The following EBF2 variants were observed in gnomAD, a reference collection of about 807,000 sequenced individuals.
EBF2 encodes transcription factor COE2.
A neutral mutation model predicts 72.8 loss-of-function variants in EBF2; 21 were observed. That is an observed-to-expected ratio of 0.29 (90% CI 0.20 to 0.42). EBF2 has a LOEUF of 0.42. Among genes scored for constraint, EBF2 ranks in the 10% least tolerant of loss-of-function variants. EBF2 has a pLI of 1.00. For missense variants in EBF2, 637 were observed against 731.2 expected (o/e 0.87, Z 1.49); for synonymous variants, 299 against 274.2 (o/e 1.09, Z -0.89).
At chr8:25,974,003 C>A (rs145352343) in intron 6 of EBF2, among the ~76,000 whole-genome samples, 14 of 152,152 alleles carry the variant, frequency 9.2e-5, no homozygotes, top group Admixed American at 3.3e-4. Context: ...TATTAGAAAA[C>A]CTATAGGGCT....
In EBF2 at chr8:25,954,612, G is replaced by A. The variant is rs140347000; in HGVS notation, c.552-46057C>T. Among the ~76,000 whole-genome samples, 945 of 152,266 alleles carry A rather than the reference G, an allele frequency of 6.2e-3. 15 individuals are homozygous for A. Among genetic ancestry groups the A allele is most frequent in the African/African-American group, 0.022 (900 of 41,554 alleles). ...GGAGGAAACGTCGTGTTGCACCACC[G>A]TTTCCCACATGCTTATTTGGATTGT... On this transcript the variant is annotated intron_variant, in intron 6 of 15. Coordinates refer to ENST00000520164, the MANE Select transcript of EBF2 (RefSeq NM_022659.4).
At chr8:25,940,241 AT>A (rs1445073429) in intron 6 of EBF2, among the ~76,000 whole-genome samples, 1 of 152,158 alleles carries the variant, frequency 6.6e-6, no homozygotes, top group African/African-American at 2.4e-5. Context: ...TTTGAAGAGT[AT>A]TTTACACAAC....
intron 6 of EBF2, among the ~76,000 whole-genome samples, chr8:26,009,622 A>C (rs1166076742): frequency 6.6e-6 from 1 of 152,228 alleles, no homozygotes; most frequent in East Asian, 1.9e-4. Context: ...CCGCAAATTA[A>C]AAGTATCCGA....
intron 6 of EBF2, among the ~76,000 whole-genome samples, chr8:25,955,265 T>G (rs965058359): frequency 6.6e-6 from 1 of 152,178 alleles, no homozygotes; most frequent in Non-Finnish European, 1.5e-5. Flanking sequence ...AAGTTTGTGC[T>G]CTAGGAAGTT....
At chr8:25,898,091 C>A (rs1374098274) in intron 7 of EBF2, among the ~76,000 whole-genome samples, 1 of 152,136 alleles carries the variant, frequency 6.6e-6, no homozygotes, top group Non-Finnish European at 1.5e-5. Context: ...CAAAGCATAG[C>A]AAACACTAGA....
intron 10 of EBF2, among the ~76,000 whole-genome samples, chr8:25,883,191 C>T (rs1432679749): frequency 6.6e-6 from 1 of 152,164 alleles, no homozygotes; most frequent in African/African-American, 2.4e-5. Context: ...GGTGTATAGG[C>T]TCCCCTTTTG....
chr8:26,044,158 C>G lies in EBF2; in HGVS notation c.131+571G>C, dbSNP rs1805659192. ...TATCTTTGAGCCGGGACCCTCCAGCCTGTCCCCCCTCCCAGAGCTCCCGGC... is the reference window on the plus strand; with the variant it reads ...TATCTTTGAGCCGGGACCCTCCAGCGTGTCCCCCCTCCCAGAGCTCCCGGC... On this transcript the variant is annotated intron_variant, in intron 1 of 15. Transcript: ENST00000520164. The surrounding 1 kb of genome is among the most constrained non-coding windows in gnomAD (Gnocchi z 4.1). Among the ~76,000 whole-genome samples the G allele has an allele frequency of 6.6e-6, 1 of 152,264 alleles. No individual in the cohort carries two copies. Among genetic ancestry groups the G allele is most frequent in the African/African-American group, 2.4e-5 (1 of 41,480 alleles).
intron 6 of EBF2, among the ~76,000 whole-genome samples, chr8:25,945,930 G>A (rs1448009335): frequency 6.6e-6 from 1 of 152,082 alleles, no homozygotes. Context: ...CTGAAGTCTG[G>A]TTTCAGAATG....
At chr8:25,981,916 T>G (rs908617558) in intron 6 of EBF2, among the ~76,000 whole-genome samples, 5 of 152,202 alleles carry the variant, frequency 3.3e-5, no homozygotes, top group Non-Finnish European at 7.3e-5. Context: ...AATCTGACAG[T>G]TAAATGCAAA....
chr8:25,979,916 CA>C lies in EBF2; in HGVS notation c.551+53168del, dbSNP rs560908899. Among the ~76,000 whole-genome samples the C allele has an allele frequency of 2.8e-4, 43 of 151,176 alleles. 1 individual carries two copies. The highest frequency in any genetic ancestry group is 1.6e-3 in the East Asian group (8 of 5,156). ...CCCAACCATCCCCTCCCCCTTTTAGCAAAAAAAATTCAGGAAGGAAATTGTG... is the reference window on the plus strand; with the variant it reads ...CCCAACCATCCCCTCCCCCTTTTAGCAAAAAAATTCAGGAAGGAAATTGTG... On this transcript the variant is annotated intron_variant, in intron 6 of 15. Coordinates refer to ENST00000520164, the MANE Select transcript of EBF2 (RefSeq NM_022659.4).
intron 6 of EBF2, among the ~76,000 whole-genome samples, chr8:25,920,411 G>T (rs1345872977): frequency 6.6e-6 from 1 of 152,222 alleles, no homozygotes; most frequent in Non-Finnish European, 1.5e-5. Context: ...GCAGAATTGA[G>T]AGTCAGAAAA....
chr8:26,003,140 G>A (rs1433011371), intron 6 of EBF2, among the ~76,000 whole-genome samples: 4 of 152,114 alleles, frequency 2.6e-5, no homozygotes, highest in South Asian at 2.1e-4. Context: ...TTGCTCCTCC[G>A]CTTCCACTCT....
intron 6 of EBF2, among the ~76,000 whole-genome samples, chr8:26,021,719 G>A (rs1425860623): frequency 6.6e-6 from 1 of 152,074 alleles, no homozygotes; most frequent in Admixed American, 6.5e-5. Flanking sequence ...ATGTTTATCT[G>A]GTATTTATAT....
chr8:25,918,698 G>A (rs551731849), intron 6 of EBF2, among the ~76,000 whole-genome samples: 11 of 152,258 alleles, frequency 7.2e-5, no homozygotes, highest in East Asian at 3.9e-4. Context: ...TCAAACTAGC[G>A]TGGAAGATAC....
At chr8:25,909,720 T>G (rs979797020) in intron 6 of EBF2, among the ~76,000 whole-genome samples, 1 of 152,190 alleles carries the variant, frequency 6.6e-6, no homozygotes, top group African/African-American at 2.4e-5. Context: ...TAGATAGCTC[T>G]CCAATTAAAT....
At chr8:26,008,204 G>A (rs191338944) in intron 6 of EBF2, among the ~76,000 whole-genome samples, 13 of 152,040 alleles carry the variant, frequency 8.6e-5, no homozygotes, top group South Asian at 2.1e-4. Context: ...ACCTCTCCTC[G>A]GCTATAAGTA....
At chr8:25,937,832 CTGTT>C (rs1167563942) in intron 6 of EBF2, among the ~76,000 whole-genome samples, 2 of 152,146 alleles carry the variant, frequency 1.3e-5, no homozygotes, top group Non-Finnish European at 2.9e-5. Context: ...TGTGGGCTGT[CTGTT>C]GTCAGACTCC....
At chr8:25,989,118 A>T (rs1211866918) in intron 6 of EBF2, among the ~76,000 whole-genome samples, 1 of 152,256 alleles carries the variant, frequency 6.6e-6, no homozygotes, top group Non-Finnish European at 1.5e-5. Context: ...TTTGGGCCTC[A>T]GTGTTCCATA....
intron 6 of EBF2, among the ~76,000 whole-genome samples, chr8:25,927,280 CAAT>C (rs1386636789): frequency 2.1e-5 from 3 of 141,622 alleles, no homozygotes; most frequent in Admixed American, 2.1e-4. Context: ...CCCCACCCTA[CAAT>C]AAGCCAATTC....
Sources: allele counts gnomAD v4.1 joint callset (sites outside exome capture counted in the v4.1 genomes callset), GRCh38; gene constraint gnomAD v4.1.1; non-coding constraint Gnocchi (gnomAD v3.1); transcripts MANE v1.5; gene names NCBI Gene and HGNC (gene_info 2026-07-23, HGNC 2026-07-21).